TNKS2: variants seen among roughly 807,000 people sequenced by gnomAD.
TNKS2 encodes tankyrase 2, also known as poly [ADP-ribose] polymerase tankyrase-2.
Under a neutral mutation model 137.6 loss-of-function variants are expected in TNKS2, and 72 were observed. The observed-to-expected ratio is 0.52, with a 90% CI of 0.43 to 0.64. The LOEUF (loss-of-function observed/expected upper bound fraction) is 0.64, where lower values mean the gene tolerates loss of function less well. TNKS2 is among the 30% of genes least tolerant of loss of function. The pLI, the probability that TNKS2 is intolerant of heterozygous loss-of-function variation, is 0.00. For synonymous variants in TNKS2, 516 were observed against 512.1 expected, an observed-to-expected ratio of 1.01 and a Z score of -0.10; for missense variants, 1,049 against 1,410.2, an observed-to-expected ratio of 0.74 and a Z score of 4.10.
At chr10:91,801,154 C>T (rs1386266640) in intron 1 of TNKS2, among the ~76,000 whole-genome samples, 2 of 152,136 alleles carry the variant, frequency 1.3e-5, no homozygotes, top group African/African-American at 2.4e-5. Flanking sequence ...CTGAGAGATT[C>T]GTGCAGACCA....
At chr10:91,860,808 T>A (rs1445855601) in intron 25 of TNKS2, among the ~76,000 whole-genome samples, 1 of 152,212 alleles carries the variant, frequency 6.6e-6, no homozygotes, top group Non-Finnish European at 1.5e-5. Context: ...GGCCCTCCTA[T>A]GTATGACGTC....
At chr10:91,854,878 A>C (rs1361466496) in intron 21 of TNKS2, 151 bp from the exon 22 acceptor site, 3 of 506,718 alleles carry the variant, frequency 5.9e-6, no homozygotes, top group Non-Finnish European at 1.1e-5. Flanking sequence ...AGCCTGGGCA[A>C]CAAGAGTGAA....
chr10:91,830,607 T>C (rs577828744), intron 9 of TNKS2, among the ~76,000 whole-genome samples: 96 of 152,362 alleles, frequency 6.3e-4, no homozygotes, highest in African/African-American at 2.2e-3. Context: ...ACAATGCTAC[T>C]TGGAAACAGT....
chr10:91,856,490 C>T (rs1344475192), intron 23 of TNKS2, among the ~76,000 whole-genome samples: 1 of 152,164 alleles, frequency 6.6e-6, no homozygotes, highest in Non-Finnish European at 1.5e-5. Flanking sequence ...ACTACAGGTA[C>T]ATTTCAGTCA....
At chr10:91,810,475 A>T (rs922872297) in intron 1 of TNKS2, among the ~76,000 whole-genome samples, 7 of 151,896 alleles carry the variant, frequency 4.6e-5, no homozygotes, top group Non-Finnish European at 1.0e-4. Flanking sequence ...GCCTTAGCCT[A>T]ACATACTCCT....
intron 22 of TNKS2, 54 bp from the exon 23 acceptor site, chr10:91,855,560 C>A: frequency 7.3e-7 from 1 of 1,372,372 alleles, no homozygotes; most frequent in Non-Finnish European, 1.0e-6. Context: ...TTCCCCAAAT[C>A]AGAAAATAAC....
At chr10:91,812,846 C>T (rs1844552232) in intron 1 of TNKS2, 137 bp from the exon 2 acceptor site, 1 of 1,451,020 alleles carries the variant, frequency 6.9e-7, no homozygotes, top group South Asian at 1.5e-5. Flanking sequence ...TTCTGATCAC[C>T]TTTCCATTAA....
At chr10:91,824,724 A>G (rs1845010587) in intron 7 of TNKS2, among the ~76,000 whole-genome samples, 1 of 152,220 alleles carries the variant, frequency 6.6e-6, no homozygotes, top group Admixed American at 6.5e-5. Context: ...ACTAATATTC[A>G]AGTTGATAGA....
At chr10:91,824,731 T>C (rs1481506651) in intron 7 of TNKS2, among the ~76,000 whole-genome samples, 1 of 152,154 alleles carries the variant, frequency 6.6e-6, no homozygotes, top group Non-Finnish European at 1.5e-5. Flanking sequence ...TTCAAGTTGA[T>C]AGAATCAAGG....
rs1479084742 is a variant in TNKS2, at chr10:91,828,403, A to G, written c.1101A>G (p.Ala367=). 1 of 1,569,632 alleles carries G rather than the reference A, an allele frequency of 6.4e-7. No individual in the cohort carries two copies. Among genetic ancestry groups the G allele is most frequent in the Non-Finnish European group, 8.6e-7 (1 of 1,161,810 alleles). The part of the protein sequence containing the change: ...NFKHPQTHET[A]LHCAAASPYP... Reference sequence around the variant, plus strand: ...AGCATCCTCAAACACATGAAACAGCATTGGTAATGTTTCAGATTTAAGTTT... The same window carrying G: ...AGCATCCTCAAACACATGAAACAGCGTTGGTAATGTTTCAGATTTAAGTTT... The change falls in exon 9 of 27, where the codon GCA becomes GCG. Residue 367 remains alanine, a synonymous_variant. Transcript: ENST00000371627.
intron 6 of TNKS2, among the ~76,000 whole-genome samples, chr10:91,820,574 A>C (rs899566398): frequency 6.6e-6 from 1 of 152,246 alleles, no homozygotes; most frequent in Non-Finnish European, 1.5e-5. Flanking sequence ...GATTAGAGAA[A>C]TAGGTAAGAA....
intron 26 of TNKS2, 26 bp from the exon 27 acceptor site, chr10:91,862,911 T>G (rs751852968): frequency 6.5e-7 from 1 of 1,549,762 alleles, no homozygotes; most frequent in Non-Finnish European, 8.8e-7. Flanking sequence ...TTTGTACCAT[T>G]ATTTGAATTT....
chr10:91,838,721 CT>C (rs1842112750), intron 13 of TNKS2, among the ~76,000 whole-genome samples: 1 of 152,196 alleles, frequency 6.6e-6, no homozygotes, highest in Non-Finnish European at 1.5e-5. Flanking sequence ...CACAGAAGAG[CT>C]TTTTACCAGG....
Position 91,848,467 on chromosome 10 carries a change from G to A in TNKS2, c.2443G>A (p.Val815Met), listed in dbSNP as rs1416054825. 3.1e-6 allele frequency: 5 copies of A among 1,614,076 alleles called. No homozygotes were observed. Among genetic ancestry groups the A allele is most frequent in the Non-Finnish European group, 4.2e-6 (5 of 1,180,040 alleles). ...TTACAAGCCTCAAGTGCTCAATGGT[G>A]TGAGAAGCCCAGGAGCCACTGCAGA... ...SCYKPQVLNG[V>M]RSPGATADAL... The change falls in exon 19 of 27, where the codon GTG becomes ATG. Residue 815 changes from valine to methionine, a missense_variant. Physicochemically the swap from Val to Met is conservative, Grantham distance 21. Around this residue, in one of 6 missense-constraint regions of TNKS2, gnomAD observed 208 missense variants for 231.2 expected, o/e 0.90. Transcript: ENST00000371627.
chr10:91,806,674 T>G, intron 1 of TNKS2, among the ~76,000 whole-genome samples: 1 of 152,154 alleles, frequency 6.6e-6, no homozygotes, highest in East Asian at 1.9e-4. Context: ...CTATACATAA[T>G]TAGGTACACA....
intron 18 of TNKS2, 121 bp from the exon 19 acceptor site, chr10:91,848,261 TC>T (rs1842439569): frequency 9.4e-7 from 1 of 1,066,174 alleles, no homozygotes; most frequent in East Asian, 2.6e-5. Flanking sequence ...TGAATAATCC[TC>T]CATTGTGATA....
chr10:91,807,292 C>G lies in TNKS2; in HGVS notation c.200-5691C>G. ...TCTTGAGCTTGGTCTGTTTTATACACCAAACAAACTAAATCATCTGTTACT... is the reference window on the plus strand; with the variant it reads ...TCTTGAGCTTGGTCTGTTTTATACAGCAAACAAACTAAATCATCTGTTACT... On this transcript the variant is annotated intron_variant, in intron 1 of 26. Transcript: ENST00000371627. 3 of 1,613,304 alleles carry G rather than the reference C, an allele frequency of 1.9e-6. No individual in the cohort carries two copies. The East Asian group carries it at 6.7e-5, about 36-fold the overall frequency.
intron 13 of TNKS2, among the ~76,000 whole-genome samples, chr10:91,837,618 G>A (rs553911938): frequency 3.2e-4 from 48 of 152,294 alleles, no homozygotes; most frequent in African/African-American, 1.1e-3. Flanking sequence ...CCAGCACTTC[G>A]TGAGGCTGAG....
intron 7 of TNKS2, among the ~76,000 whole-genome samples, chr10:91,823,711 A>G (rs1239819946): frequency 6.6e-6 from 1 of 151,780 alleles, no homozygotes; most frequent in Non-Finnish European, 1.5e-5. Context: ...TGTTACCTAT[A>G]CCTTTTAACT....
Sources: allele counts gnomAD v4.1 joint callset (sites outside exome capture counted in the v4.1 genomes callset), GRCh38; gene constraint gnomAD v4.1.1; regional missense constraint gnomAD v4.1.1; transcripts MANE v1.5; gene names NCBI Gene and HGNC (gene_info 2026-07-23, HGNC 2026-07-21).